The following RNF216 variants were observed in gnomAD, a reference collection of about 807,000 sequenced individuals.
RNF216 encodes the protein ring finger protein 216.
RNF216 carries 72 observed loss-of-function variants against 110.8 expected under a neutral mutation model. That is an observed-to-expected ratio of 0.65 (90% CI 0.54 to 0.79). RNF216 has a LOEUF of 0.79. Ranked by LOEUF, RNF216 falls within the 30% of genes least tolerant of loss-of-function variation. The probability of loss-of-function intolerance (pLI) is 0.00; values close to 1 mark genes in which losing one functional copy is unlikely to be tolerated. For missense variants in RNF216, 1,342 were observed against 1,141.2 expected (o/e 1.18, Z -2.54); for synonymous variants, 495 against 407.5 (o/e 1.21, Z -2.59).
At chr7:5,687,709 A>G (rs189800780) in intron 13 of RNF216, among the ~76,000 whole-genome samples, 110 of 152,338 alleles carry the variant, frequency 7.2e-4, no homozygotes, top group Non-Finnish European at 1.4e-3. Flanking sequence ...AATGACAGAA[A>G]TGCCAGTGTC....
chr7:5,678,244 G>A (rs1164734214), intron 13 of RNF216, among the ~76,000 whole-genome samples: 1 of 152,152 alleles, frequency 6.6e-6, no homozygotes, highest in Non-Finnish European at 1.5e-5. Context: ...AGACCAATAA[G>A]AAAACCAGTC....
intron 13 of RNF216, among the ~76,000 whole-genome samples, chr7:5,656,246 G>A (rs1052754520): frequency 6.6e-5 from 10 of 152,292 alleles, no homozygotes; most frequent in Middle Eastern, 6.8e-3. Flanking sequence ...TCCAGCCTGG[G>A]CGGCAGAGCA....
rs777020537 is a variant in RNF216 at position 5,727,392 on chromosome 7, T to C, written c.1390-1954A>G. 1.2e-4 allele frequency among the ~76,000 whole-genome samples: 18 copies of C among 152,322 alleles called. No individual in the cohort carries two copies. The East Asian group carries it at 1.5e-3, about 13-fold the overall frequency. ...GCTTATTATTGAGTGGCCAAGTCTA[T>C]AAGTCTACCATCTACATTTTAGTCC... is the stretch of plus-strand genomic sequence containing the variant. On this transcript the variant is annotated intron_variant, in intron 7 of 16. Transcript: ENST00000389902.
Position 5,741,542 on chromosome 7 carries a change from C to CAGG in RNF216, c.472_474dup (p.Pro158dup), listed in dbSNP as rs1562451331. On this transcript the variant is annotated inframe_insertion, in exon 4 of 17. Coordinates refer to ENST00000389902, the MANE Select transcript of RNF216 (RefSeq NM_207111.4). Reference sequence around the variant, plus strand: ...TTTGCTGCTTGGTTATGACTCGGTCCAGGCTTGGGTTCTCTTTCTGTTTGG... The same window carrying CAGG: ...TTTGCTGCTTGGTTATGACTCGGTCCAGGAGGCTTGGGTTCTCTTTCTGTTTGG... The CAGG allele has an allele frequency of 6.2e-7, 1 of 1,614,156 alleles. No individual in the cohort carries two copies. The highest frequency in any genetic ancestry group is 8.5e-7 in the Non-Finnish European group (1 of 1,180,034).
At chr7:5,686,071 A>G (rs1467905108) in intron 13 of RNF216, among the ~76,000 whole-genome samples, 1 of 151,844 alleles carries the variant, frequency 6.6e-6, no homozygotes, top group Non-Finnish European at 1.5e-5. Context: ...AAAAATGCAA[A>G]AATTAGCCAG....
At chr7:5,737,124 T>C (rs1794467067) in intron 5 of RNF216, among the ~76,000 whole-genome samples, 1 of 152,252 alleles carries the variant, frequency 6.6e-6, no homozygotes, top group Non-Finnish European at 1.5e-5. Flanking sequence ...AGATTGTTGC[T>C]GTGTCTGTGT....
chr7:5,705,291 T>A (rs1792211332), intron 13 of RNF216, among the ~76,000 whole-genome samples: 1 of 152,252 alleles, frequency 6.6e-6, no homozygotes, highest in Non-Finnish European at 1.5e-5. Context: ...TAATCTCTCC[T>A]GAATCTTTTG....
At chr7:5,655,260 A>C (rs1475670153) in intron 13 of RNF216, among the ~76,000 whole-genome samples, 1 of 152,100 alleles carries the variant, frequency 6.6e-6, no homozygotes, top group Non-Finnish European at 1.5e-5. Context: ...TCTGTAGGTG[A>C]ACGTGTGGGT....
chr7:5,624,028 TCCTGGGGG>T lies in RNF216; in HGVS notation c.2452+20_2452+27del, dbSNP rs1234338824. The T allele has an allele frequency of 1.2e-6, 2 of 1,605,676 alleles. No homozygotes were observed. Among genetic ancestry groups the T allele is most frequent in the Non-Finnish European group, 1.7e-6 (2 of 1,174,276 alleles). ...CCTGCATGGCCTGGCTGCTGCTCTG[TCCTGGGGG>T]CCTGGGGAGGGGCACTTGCCTCCAT... On this transcript the variant is annotated intron_variant, in intron 16 of 16. Transcript: ENST00000389902. The surrounding 1 kb of genome is among the most constrained non-coding windows in gnomAD (Gnocchi z 4.4).
intron 13 of RNF216, among the ~76,000 whole-genome samples, chr7:5,710,475 C>A (rs1391387871): frequency 6.6e-6 from 1 of 152,144 alleles, no homozygotes; most frequent in Non-Finnish European, 1.5e-5. Flanking sequence ...TTCTTTGAAA[C>A]CTTACCAGGA....
chr7:5,725,455 G>A lies in RNF216; in HGVS notation c.1390-17C>T, dbSNP rs746696722. 6 of 1,410,154 alleles carry A rather than the reference G, an allele frequency of 4.3e-6. No individual in the cohort carries two copies. In the African/African-American group the frequency reaches 8.6e-5, roughly 20 times the overall value. 87.4% of individuals were successfully genotyped at this position (1,410,154 alleles called of 1,614,324 possible). A position where few individuals can be genotyped will look rare whatever the true frequency, so the allele number is the denominator to read the frequency against. ...AGACAAGGCCTAAAAATTGAGAAAA[G>A]GAAAGGTTCCTTCTGTAAATAGAAA... On this transcript the variant is annotated splice_polypyrimidine_tract_variant and intron_variant, in intron 7 of 16. Coordinates refer to ENST00000389902, the MANE Select transcript of RNF216 (RefSeq NM_207111.4).
At chr7:5,648,993 A>G (rs1788219214) in intron 14 of RNF216, among the ~76,000 whole-genome samples, 1 of 152,214 alleles carries the variant, frequency 6.6e-6, no homozygotes. Context: ...TCATAAAGGT[A>G]AGTGCTATAT....
At chr7:5,776,723 C>T (rs1369118492) in intron 1 of RNF216, among the ~76,000 whole-genome samples, 1 of 150,748 alleles carries the variant, frequency 6.6e-6, no homozygotes, top group East Asian at 2.0e-4. Context: ...AGCACAGCAG[C>T]CCCTGACTCT....
At chr7:5,629,524 C>T (rs1165768266) in intron 15 of RNF216, among the ~76,000 whole-genome samples, 2 of 151,994 alleles carry the variant, frequency 1.3e-5, no homozygotes, top group African/African-American at 2.4e-5. Flanking sequence ...TCTTATGCTT[C>T]ACCACAATTA....
At position 5,756,391 on chromosome 7, in the gene RNF216, A is replaced by G. The variant is rs564820542; in HGVS notation, c.68-3412T>C. On this transcript the variant is annotated intron_variant, in intron 2 of 16. Transcript: ENST00000389902. ...AATGGTATAGCTGAATAGTTGCAAC[A>G]GAAACCATATGGCCCGCGAGGCTAA... Among the ~76,000 whole-genome samples the G allele has an allele frequency of 5.3e-5, 8 of 152,344 alleles. No individual in the cohort carries two copies. In the South Asian group the frequency reaches 8.3e-4, roughly 16 times the overall value.
intron 2 of RNF216, among the ~76,000 whole-genome samples, chr7:5,759,141 C>A (rs1015605199): frequency 5.3e-5 from 8 of 152,148 alleles, no homozygotes; most frequent in African/African-American, 1.9e-4. Flanking sequence ...CTTGTTCCTG[C>A]TCCAGCCATG....
intron 15 of RNF216, among the ~76,000 whole-genome samples, chr7:5,638,013 C>T (rs569484961): frequency 6.6e-5 from 10 of 152,272 alleles, no homozygotes; most frequent in South Asian, 2.1e-4. Context: ...GTAGTGGCTG[C>T]GCAGCAGCCC....
chr7:5,665,774 A>G (rs531779179), intron 13 of RNF216, among the ~76,000 whole-genome samples: 12 of 152,180 alleles, frequency 7.9e-5, no homozygotes, highest in Non-Finnish European at 1.8e-4. Flanking sequence ...TTACTCAAAT[A>G]CAGACGACTG....
intron 3 of RNF216, among the ~76,000 whole-genome samples, chr7:5,743,602 T>C (rs1794883545): frequency 6.6e-6 from 1 of 152,206 alleles, no homozygotes; most frequent in Non-Finnish European, 1.5e-5. Flanking sequence ...ACTTAAAATA[T>C]GTCAATAAGA....
Sources: gnomAD v4.1 joint callset for allele counts (sites outside exome capture counted in the v4.1 genomes callset) on GRCh38, gnomAD v4.1.1 for gene constraint, Gnocchi (gnomAD v3.1) non-coding constraint, MANE v1.5 for transcripts, NCBI Gene and HGNC (gene_info 2026-07-23, HGNC 2026-07-21) for gene names.